The following PFKFB4 variants were observed in gnomAD, a reference collection of about 807,000 sequenced individuals.
PFKFB4 encodes 6-phosphofructo-2-kinase/fructose-2,6-bisphosphatase 4.
A neutral mutation model predicts 62.8 loss-of-function variants in PFKFB4; 42 were observed. The ratio of observed to expected loss-of-function variants is 0.67; its 90% CI spans 0.52 to 0.86. The LOEUF is 0.86. Ranked by LOEUF, PFKFB4 falls within the 40% of genes least tolerant of loss-of-function variation. The pLI, the probability that PFKFB4 is intolerant of heterozygous loss-of-function variation, is 0.00. For missense variants in PFKFB4, 475 were observed against 627.2 expected (o/e 0.76, Z 2.59); for synonymous variants, 204 against 240.7 (o/e 0.85, Z 1.41).
chr3:48,538,902 T>A (rs908680491), intron 6 of PFKFB4, among the ~76,000 whole-genome samples: 1 of 152,170 alleles, frequency 6.6e-6, no homozygotes, highest in African/African-American at 2.4e-5. Context: ...ACTCTCATTT[T>A]CCCAGACCCA....
chr3:48,559,542 G>T (rs1283358911), upstream of PFKFB4: 2 of 457,056 alleles, frequency 4.4e-6, no homozygotes, highest in Non-Finnish European at 8.8e-6. Context: ...TCTCCATGGA[G>T]ATGCTGTCCC....
At chr3:48,519,941 C>T (rs1411338210) in intron 13 of PFKFB4, 135 bp from the exon 14 acceptor site, 1 of 660,616 alleles carries the variant, frequency 1.5e-6, no homozygotes, top group Non-Finnish European at 2.7e-6. Context: ...GACTCTAGAC[C>T]ACAAGCTTCC....
rs531611777 is a variant in PFKFB4, at chr3:48,522,139, G to A, written c.1286-89C>T. On this transcript the variant is annotated intron_variant, in intron 12 of 13. Coordinates refer to ENST00000232375, the MANE Select transcript of PFKFB4 (RefSeq NM_004567.4). The stretch of plus-strand genomic sequence containing the variant: ...AAACTTCTCTTGGAGGGGGGTCTGG[G>A]CGTGTGGAATGGAGCAGCCATCTCA... The A allele has an allele frequency of 9.2e-6, 11 of 1,198,448 alleles. No homozygotes were observed. In the African/African-American group the frequency reaches 1.3e-4, roughly 15 times the overall value. The allele number at this position is 1,198,448 out of a possible 1,614,324, so 74.2% of individuals were successfully genotyped here. A position where few individuals can be genotyped will look rare whatever the true frequency, so the allele number is the denominator to read the frequency against.
At position 48,541,655 on chromosome 3, in the gene PFKFB4, T is replaced by TCAAA. The variant is rs996845801; in HGVS notation, c.379-1888_379-1885dup. On this transcript the variant is annotated intron_variant, in intron 4 of 13. Coordinates refer to ENST00000232375, the MANE Select transcript of PFKFB4 (RefSeq NM_004567.4). ...TTTAACAAGAAAAACAGAAACTAAA[T>TCAAA]CAAACAAACAAACAAAAAAAGAAAT... Among the ~76,000 whole-genome samples, 25 of 151,982 alleles carry TCAAA rather than the reference T, an allele frequency of 1.6e-4. 1 individual carries two copies. The East Asian group carries it at 4.8e-3, about 29-fold the overall frequency.
At chr3:48,535,855 C>T (rs2042586167) in intron 8 of PFKFB4, among the ~76,000 whole-genome samples, 197 bp from the exon 9 acceptor site, 5 of 152,198 alleles carry the variant, frequency 3.3e-5, no homozygotes, top group Admixed American at 3.3e-4. Context: ...CCCTCCCAGA[C>T]CCTGAGCACA....
At chr3:48,554,067 G>C (rs2043239246) in intron 1 of PFKFB4, among the ~76,000 whole-genome samples, 1 of 152,160 alleles carries the variant, frequency 6.6e-6, no homozygotes, top group African/African-American at 2.4e-5. Flanking sequence ...GCCTGTGGGA[G>C]TGGAGGAGGT....
chr3:48,546,191 C>T (rs1289097905), intron 3 of PFKFB4, among the ~76,000 whole-genome samples: 2 of 152,124 alleles, frequency 1.3e-5, no homozygotes, highest in East Asian at 3.9e-4. Context: ...GGTGCACACA[C>T]ACGAGCGTGC....
At chr3:48,530,161 G>A (rs569320871) in intron 9 of PFKFB4, among the ~76,000 whole-genome samples, 13 of 152,160 alleles carry the variant, frequency 8.5e-5, no homozygotes, top group Admixed American at 5.2e-4. Context: ...GCTGAGGCAC[G>A]AGAATCACTT....
In PFKFB4 at chr3:48,538,540, C is replaced by T. The variant is rs376216416; in HGVS notation, c.590G>A (p.Cys197Tyr). The T allele has an allele frequency of 1.9e-5, 30 of 1,614,028 alleles. No homozygotes were observed. The highest frequency in any genetic ancestry group is 2.5e-5 in the Non-Finnish European group (29 of 1,180,020). The change falls in exon 7 of 14, where the codon TGC becomes TAC. Residue 197 changes from cysteine (C) to tyrosine (Y), a missense_variant. By Grantham distance (194) the Cys-to-Tyr change is radical. Coordinates refer to ENST00000232375, the MANE Select transcript of PFKFB4 (RefSeq NM_004567.4). ...TAGCGACTCGTAGGAGTTCTCATAG[C>T]ACTCAATGCGCCTCATGAAGTCCTC... ...ATEDFMRRIE[C>Y]YENSYESLDE...
chr3:48,552,636 A>C (rs1481217076), intron 1 of PFKFB4, among the ~76,000 whole-genome samples: 1 of 152,194 alleles, frequency 6.6e-6, no homozygotes, highest in Admixed American at 6.5e-5. Context: ...TCAAGCAACC[A>C]AGGGCAGTGC....
At chr3:48,558,578 C>A (rs1397248779), upstream of PFKFB4, among the ~76,000 whole-genome samples, 1 of 152,228 alleles carries the variant, frequency 6.6e-6, no homozygotes, top group East Asian at 1.9e-4. Flanking sequence ...ATGACTGACA[C>A]AGATGTCTTG....
intron 4 of PFKFB4, among the ~76,000 whole-genome samples, chr3:48,540,098 C>T (rs1246840618): frequency 6.6e-6 from 1 of 152,178 alleles, no homozygotes; most frequent in African/African-American, 2.4e-5. Context: ...TTGTGTTTGA[C>T]CAACAGGAAT....
At chr3:48,538,733 C>T (rs547859641) in intron 6 of PFKFB4, 114 bp from the exon 7 acceptor site, 13 of 1,367,312 alleles carry the variant, frequency 9.5e-6, no homozygotes, top group African/African-American at 8.6e-5. Context: ...GAGACCAGTG[C>T]GGGAACCTGA....
chr3:48,553,191 T>C (rs1484036509), intron 1 of PFKFB4, among the ~76,000 whole-genome samples: 1 of 152,196 alleles, frequency 6.6e-6, no homozygotes, highest in Non-Finnish European at 1.5e-5. Context: ...ACACTGTTTA[T>C]AGCTGGGCGT....
intron 9 of PFKFB4, among the ~76,000 whole-genome samples, chr3:48,532,702 A>G (rs2042466055): frequency 6.6e-6 from 1 of 152,158 alleles, no homozygotes; most frequent in African/African-American, 2.4e-5. Flanking sequence ...AAATAAAAAA[A>G]TTATCTAGGC....
chr3:48,560,147 C>T (rs1246241833), upstream of PFKFB4, among the ~76,000 whole-genome samples: 2 of 152,114 alleles, frequency 1.3e-5, no homozygotes, highest in African/African-American at 2.4e-5. Flanking sequence ...CCACACAGGC[C>T]CACACACTGA....
In PFKFB4 at chr3:48,523,688, G is replaced by A; in HGVS notation, c.1222+13C>T. On this transcript the variant is annotated intron_variant, in intron 11 of 13. Transcript: ENST00000232375. The stretch of plus-strand genomic sequence containing the variant: ...ACACAACCTTCCCACCTCCCCCGGG[G>A]CACAGCCCACACCTGCTGCCTTGTC... 3 of 1,614,058 alleles carry A rather than the reference G, an allele frequency of 1.9e-6. No individual in the cohort carries two copies. The highest frequency in any genetic ancestry group is 2.2e-5 in the East Asian group (1 of 44,876).
At chr3:48,537,826 G>A (rs947228789) in intron 7 of PFKFB4, among the ~76,000 whole-genome samples, 5 of 151,990 alleles carry the variant, frequency 3.3e-5, no homozygotes, top group African/African-American at 7.2e-5. Flanking sequence ...TGCCCGGCCC[G>A]TATTACACAA....
chr3:48,531,506 T>C (rs951686819), intron 9 of PFKFB4, among the ~76,000 whole-genome samples: 2 of 150,628 alleles, frequency 1.3e-5, no homozygotes, highest in South Asian at 2.1e-4. Flanking sequence ...AGTGGCGTGA[T>C]CTCAGCTCAC....
Sources: allele counts gnomAD v4.1 joint callset (sites outside exome capture counted in the v4.1 genomes callset), GRCh38; gene constraint gnomAD v4.1.1; transcripts MANE v1.5; gene names NCBI Gene and HGNC (gene_info 2026-07-23, HGNC 2026-07-21).